The following CCDC7 variants were observed in gnomAD, a reference collection of about 807,000 sequenced individuals.
The protein encoded by CCDC7 is coiled-coil domain-containing protein 7.
A neutral mutation model predicts 196.9 loss-of-function variants in CCDC7; 183 were observed. The ratio of observed to expected loss-of-function variants is 0.93; its 90% CI spans 0.82 to 1.05. CCDC7 has a LOEUF of 1.05. Among genes scored for constraint, CCDC7 ranks in the 50% least tolerant of loss-of-function variants. The pLI, the probability that CCDC7 is intolerant of heterozygous loss-of-function variation, is 0.00. For synonymous variants in CCDC7, 525 were observed against 484.6 expected (o/e 1.08, Z -1.10); for missense variants, 1,540 against 1,482.2 (o/e 1.04, Z -0.64).
chr10:32,463,497 C>A (rs1441928510), intron 5 of CCDC7, among the ~76,000 whole-genome samples: 1 of 152,118 alleles, frequency 6.6e-6, no homozygotes, highest in Non-Finnish European at 1.5e-5. Flanking sequence ...TTGATTCAGG[C>A]ACTTTGCCAT....
chr10:32,473,915 T>G, intron 7 of CCDC7, 52 bp from the exon 9 acceptor site: 1 of 1,510,712 alleles, frequency 6.6e-7, no homozygotes, highest in South Asian at 1.3e-5. Context: ...ACTCAATTAG[T>G]ATATATAATT....
At chr10:32,611,549 T>A (rs567492796) in intron 18 of CCDC7, among the ~76,000 whole-genome samples, 1 of 152,318 alleles carries the variant, frequency 6.6e-6, no homozygotes, top group Admixed American at 6.5e-5. Flanking sequence ...TTTTTATGGT[T>A]TTAGGTCTTA....
At chr10:32,701,353 C>G (rs1425637521) in intron 24 of CCDC7, among the ~76,000 whole-genome samples, 1 of 151,948 alleles carries the variant, frequency 6.6e-6, no homozygotes, top group African/African-American at 2.4e-5. Context: ...AGCCTTGCAT[C>G]CCAGGGATGA....
chr10:32,688,237 C>T (rs2141190209), intron 22 of CCDC7, among the ~76,000 whole-genome samples: 2 of 152,230 alleles, frequency 1.3e-5, no homozygotes. Context: ...CTATAAACTC[C>T]TCAGGTCACT....
intron 18 of CCDC7, among the ~76,000 whole-genome samples, chr10:32,618,066 T>G (rs943519562): frequency 3.3e-5 from 5 of 152,014 alleles, no homozygotes; most frequent in African/African-American, 1.2e-4. Flanking sequence ...GTGTTCCCCT[T>G]TGGTTTCTAT....
intron 9 of CCDC7, chr10:32,511,838 G>A (rs11592052): frequency 0.41 from 309,177 of 748,288 alleles, 71,298 homozygotes; most frequent in Non-Finnish European, 0.49. Context: ...CACCAGCGGC[G>A]CTTTCCGATG....
chr10:32,498,815 AT>A (rs144257479), intron 9 of CCDC7, among the ~76,000 whole-genome samples: 110 of 140,888 alleles, frequency 7.8e-4, no homozygotes, highest in African/African-American at 1.6e-3. Flanking sequence ...TGCCCTTAAC[AT>A]TTTTTTTTTT....
At chr10:32,675,982 C>G (rs2074895152) in intron 21 of CCDC7, among the ~76,000 whole-genome samples, 1 of 151,616 alleles carries the variant, frequency 6.6e-6, no homozygotes, top group Non-Finnish European at 1.5e-5. Flanking sequence ...TGACTTCCAA[C>G]TATACTACAA....
intron 41 of CCDC7, 127 bp from the exon 43 acceptor site, chr10:32,876,220 A>G (rs2094593336): frequency 6.1e-6 from 4 of 659,378 alleles, no homozygotes; most frequent in East Asian, 2.9e-5. Flanking sequence ...TTTATATACT[A>G]TTTTCCATTT....
intron 18 of CCDC7, among the ~76,000 whole-genome samples, chr10:32,610,115 T>C (rs999613911): frequency 2.6e-5 from 4 of 152,094 alleles, no homozygotes; most frequent in East Asian, 1.9e-4. Flanking sequence ...TGTTTGTTTG[T>C]TTATTTTGAG....
At chr10:32,488,777 T>G (rs757711066) in intron 8 of CCDC7, among the ~76,000 whole-genome samples, 16 of 152,242 alleles carry the variant, frequency 1.1e-4, no homozygotes, top group Non-Finnish European at 2.2e-4. Context: ...TCCTTAAAAC[T>G]ATTATTTGAA....
intron 24 of CCDC7, among the ~76,000 whole-genome samples, chr10:32,710,191 C>T (rs1276406163): frequency 6.6e-6 from 1 of 152,292 alleles, no homozygotes; most frequent in Admixed American, 6.5e-5. Flanking sequence ...AAGATTACCT[C>T]ATTCATCATG....
intron 21 of CCDC7, among the ~76,000 whole-genome samples, chr10:32,678,371 T>G (rs192456006): frequency 1.7e-3 from 264 of 152,292 alleles, no homozygotes; most frequent in Middle Eastern, 0.014. Flanking sequence ...CATCTTTACA[T>G]GCTAGCTTTG....
chr10:32,640,871 T>C (rs1232757053), intron 20 of CCDC7, among the ~76,000 whole-genome samples: 1 of 115,144 alleles, frequency 8.7e-6, no homozygotes, highest in East Asian at 2.8e-4. Flanking sequence ...TTTCTTTTTT[T>C]TTTTCTTTTT....
intron 28 of CCDC7, among the ~76,000 whole-genome samples, chr10:32,734,367 C>T (rs1005877317): frequency 2.6e-5 from 4 of 152,082 alleles, no homozygotes; most frequent in Non-Finnish European, 5.9e-5. Flanking sequence ...TGCATGTTCT[C>T]ACTTATAAGT....
chr10:32,565,583 A>G, exon 14 of CCDC7: 6 of 1,610,106 alleles, frequency 3.7e-6, no homozygotes, highest in Admixed American at 1.7e-5. Context: ...GAAATTGAGA[A>G]CAAAGTCCTT....
At chr10:32,824,488 G>A (rs748612492) in intron 31 of CCDC7, 30 bp from the exon 33 acceptor site, 2 of 1,421,990 alleles carry the variant, frequency 1.4e-6, no homozygotes, top group Non-Finnish European at 2.0e-6. Context: ...CATTAAAAAA[G>A]TGTTTTGAAA....
intron 18 of CCDC7, among the ~76,000 whole-genome samples, chr10:32,616,595 T>C (rs2062801716): frequency 6.6e-6 from 1 of 151,594 alleles, no homozygotes; most frequent in Admixed American, 6.6e-5. Context: ...TAGAATAAGA[T>C]ATTATCATCA....
chr10:32,723,010 T>A (rs1353756437), intron 25 of CCDC7, among the ~76,000 whole-genome samples: 1 of 152,098 alleles, frequency 6.6e-6, no homozygotes, highest in Non-Finnish European at 1.5e-5. Context: ...AGTCTCCAGT[T>A]CACCTCCAGC....
Sources: gnomAD v4.1 joint callset for allele counts (sites outside exome capture counted in the v4.1 genomes callset) on GRCh38, gnomAD v4.1.1 for gene constraint, MANE v1.5 for transcripts, NCBI Gene and HGNC (gene_info 2026-07-23, HGNC 2026-07-21) for gene names.